Variants in KMT2C observed in about 807,000 individuals in gnomAD.
The protein encoded by KMT2C is lysine methyltransferase 2C, also known as histone-lysine N-methyltransferase 2C.
Under a neutral mutation model 507.9 loss-of-function variants are expected in KMT2C, and 88 were observed. The observed-to-expected ratio is 0.17, with a 90% CI of 0.15 to 0.21. The LOEUF (loss-of-function observed/expected upper bound fraction) is 0.21. Ranked by LOEUF, KMT2C falls within the 10% of genes least tolerant of loss-of-function variation. The pLI is 1.00. For synonymous variants in KMT2C, 2,049 were observed against 2,080.8 expected, an observed-to-expected ratio of 0.98 and a Z score of 0.42; for missense variants, 4,954 against 5,957.8, an observed-to-expected ratio of 0.83 and a Z score of 5.55.
chr7:152,204,628 TAGATAGATAGAC>T (rs1243083977), intron 25 of KMT2C, among the ~76,000 whole-genome samples: 4 of 149,322 alleles, frequency 2.7e-5, no homozygotes, highest in Non-Finnish European at 3.0e-5. Flanking sequence ...GATAGATAGA[TAGATAGATAGAC>T]AGACAGATAC....
intron 12 of KMT2C, among the ~76,000 whole-genome samples, chr7:152,250,254 T>A (rs2095542937): frequency 6.6e-6 from 1 of 152,166 alleles, no homozygotes; most frequent in Admixed American, 6.5e-5. Context: ...TCAAAACATC[T>A]CAGTGGCTTT....
At chr7:152,395,250 C>A (rs1468507521) in intron 1 of KMT2C, among the ~76,000 whole-genome samples, 1 of 150,262 alleles carries the variant, frequency 6.7e-6, no homozygotes, top group Non-Finnish European at 1.5e-5. Flanking sequence ...AGTGGCGCAA[C>A]CATGACTCAC....
rs2093205252 is a variant in KMT2C, at chr7:152,176,233, C to G, written c.9220G>C (p.Ala3074Pro). Residue 3074 changes from alanine (A) to proline (P), a missense_variant, in exon 38 of 59, where the codon GCC becomes CCC. Ala to Pro is a conservative substitution (Grantham distance 27). Coordinates refer to ENST00000262189, the MANE Select transcript of KMT2C (RefSeq NM_170606.3). ...GGTTCTGATCGCTGACGAATCATGGCTTGCATCTGTCTTTGCTGCTGCTGT... is the reference window on the plus strand; with the variant it reads ...GGTTCTGATCGCTGACGAATCATGGGTTGCATCTGTCTTTGCTGCTGCTGT... ...QEQQQQRQMQ[A>P]MIRQRSEPFF... 6.2e-7 allele frequency: 1 copy of G among 1,612,682 alleles called. No homozygotes were observed. Among genetic ancestry groups the G allele is most frequent in the Non-Finnish European group, 8.5e-7 (1 of 1,179,270 alleles).
intron 34 of KMT2C, 65 bp from the exon 35 acceptor site, chr7:152,183,221 A>C: frequency 8.1e-7 from 1 of 1,234,376 alleles, no homozygotes; most frequent in Non-Finnish European, 1.1e-6. Context: ...ATAAAATAAA[A>C]CTATCATGAA....
rs561838522 is a variant in KMT2C at position 152,282,573 on chromosome 7, A to T, written c.850-8706T>A. ...ATATATACATGAAAGATGACAGAAAACAGTACTTAGTAGCCAATTATACAA... is the reference window on the plus strand; with the variant it reads ...ATATATACATGAAAGATGACAGAAATCAGTACTTAGTAGCCAATTATACAA... On this transcript the variant is annotated intron_variant, in intron 6 of 58. Transcript: ENST00000262189. Among the ~76,000 whole-genome samples the T allele has an allele frequency of 4.6e-5, 7 of 152,274 alleles. No homozygotes were observed. The South Asian group carries it at 1.5e-3, about 32-fold the overall frequency.
At chr7:152,307,242 G>A (rs2096626144) in intron 6 of KMT2C, among the ~76,000 whole-genome samples, 1 of 130,332 alleles carries the variant, frequency 7.7e-6, no homozygotes. Flanking sequence ...AGGAAGGAAG[G>A]AAGGAAGGAC....
chr7:152,193,651 T>C (rs577821054), intron 31 of KMT2C, among the ~76,000 whole-genome samples: 35 of 152,168 alleles, frequency 2.3e-4, no homozygotes, highest in Non-Finnish European at 4.7e-4. Context: ...GGCAGATCAA[T>C]GAGTACAGGC....
intron 6 of KMT2C, among the ~76,000 whole-genome samples, chr7:152,288,358 A>ATT (rs1266500637): frequency 1.3e-5 from 2 of 151,576 alleles, no homozygotes; most frequent in East Asian, 3.9e-4. Flanking sequence ...ACATGGCAAA[A>ATT]CCCTGTCTCT....
In KMT2C at chr7:152,180,050, T is replaced by C. The variant is rs748975674; in HGVS notation, c.7226A>G (p.Gln2409Arg). 1.2e-6 allele frequency: 2 copies of C among 1,614,198 alleles called. No homozygotes were observed. Among genetic ancestry groups the C allele is most frequent in the Admixed American group, 3.3e-5 (2 of 60,024 alleles). Residue 2409 changes from glutamine (Q) to arginine (R), a missense_variant, in exon 37 of 59, where the codon CAG becomes CGG. Transcript: ENST00000262189. ...TGGATGAGGCACTGCGGGTGAGTCC[T>C]GTGACCCCTTCTCCTGTCGACCTGC... is the stretch of plus-strand genomic sequence containing the variant. ...KIAGRQEKGS[Q>R]DSPAVPHPGP...
At position 152,148,004 on chromosome 7, in the gene KMT2C, C is replaced by A. The variant is rs756632588; in HGVS notation, c.13894+29G>T. The A allele has an allele frequency of 1.3e-6, 2 of 1,535,770 alleles. No homozygotes were observed. Among genetic ancestry groups the A allele is most frequent in the Non-Finnish European group, 1.8e-6 (2 of 1,139,870 alleles). On this transcript the variant is annotated intron_variant, in intron 52 of 58. Transcript: ENST00000262189. This position sits in a 1 kb window ranked among gnomAD's most constrained non-coding sequence, Gnocchi z 7.1. ...TAGCCTGACATCAGAGTAAGTAGCA[C>A]TGCACAGCATGTGAACGGCAGACGT...
intron 2 of KMT2C, among the ~76,000 whole-genome samples, chr7:152,352,116 G>C (rs1024224426): frequency 1.3e-5 from 2 of 152,196 alleles, no homozygotes; most frequent in African/African-American, 4.8e-5. Context: ...GAAAGCAAAT[G>C]CATCCCTGAG....
At chr7:152,434,988 G>A (rs1490119568) in intron 1 of KMT2C, among the ~76,000 whole-genome samples, 1 of 152,184 alleles carries the variant, frequency 6.6e-6, no homozygotes, top group Non-Finnish European at 1.5e-5. Flanking sequence ...TGTGCTTTCG[G>A]AGCCCGGGAG....
chr7:152,171,256 A>G lies in KMT2C; in HGVS notation c.9453+8T>C. ...CATTCTAGAGGGACTCATTACAGGC[A>G]GTGTTACCTGAGGAATGGCCTGTGG... On this transcript the variant is annotated splice_region_variant and intron_variant, in intron 40 of 58. Coordinates refer to ENST00000262189, the MANE Select transcript of KMT2C (RefSeq NM_170606.3). 6.3e-7 allele frequency: 1 copy of G among 1,590,804 alleles called. No individual in the cohort carries two copies. The highest frequency in any genetic ancestry group is 8.6e-7 in the Non-Finnish European group (1 of 1,165,438).
chr7:152,434,051 C>G (rs900141582), intron 1 of KMT2C, among the ~76,000 whole-genome samples: 9 of 152,142 alleles, frequency 5.9e-5, no homozygotes, highest in Non-Finnish European at 2.9e-5. Flanking sequence ...GGTAAAACCC[C>G]AATATGGCTT....
chr7:152,270,040 T>C (rs924719145), intron 7 of KMT2C, among the ~76,000 whole-genome samples: 11 of 152,240 alleles, frequency 7.2e-5, no homozygotes, highest in Non-Finnish European at 1.2e-4. Flanking sequence ...ATAGCTGTCA[T>C]ACAGTGTGAA....
At chr7:152,137,935 G>A (rs2090067478) in intron 58 of KMT2C, 1 of 152,182 alleles carries the variant, frequency 6.6e-6, no homozygotes, top group African/African-American at 2.4e-5. Flanking sequence ...GACTAAGAAA[G>A]GAGATTCCAC....
chr7:152,213,944 CA>C (rs1257361462), intron 23 of KMT2C, among the ~76,000 whole-genome samples: 1 of 151,880 alleles, frequency 6.6e-6, no homozygotes, highest in Non-Finnish European at 1.5e-5. Context: ...CAAAGTCACA[CA>C]AATGGTCAAA....
intron 42 of KMT2C, among the ~76,000 whole-genome samples, chr7:152,166,914 T>G (rs1333096554): frequency 6.6e-6 from 1 of 152,232 alleles, no homozygotes; most frequent in Admixed American, 6.5e-5. Flanking sequence ...TCAATCTCTT[T>G]TGTGTCATTT....
At chr7:152,261,332 C>G (rs762785731) in intron 9 of KMT2C, among the ~76,000 whole-genome samples, 1 of 152,152 alleles carries the variant, frequency 6.6e-6, no homozygotes, top group Non-Finnish European at 1.5e-5. Context: ...ATAACAGCCA[C>G]AAGGTATTTG....
Sources: gnomAD v4.1 joint callset for allele counts (sites outside exome capture counted in the v4.1 genomes callset) on GRCh38, gnomAD v4.1.1 for gene constraint, Gnocchi (gnomAD v3.1) non-coding constraint, MANE v1.5 for transcripts, NCBI Gene and HGNC (gene_info 2026-07-23, HGNC 2026-07-21) for gene names.